ADGB: variants seen among roughly 807,000 people sequenced by gnomAD.
The protein encoded by ADGB is calpain-7-like protein.
Under a neutral mutation model 210.5 loss-of-function variants are expected in ADGB, and 172 were observed. The ratio of observed to expected loss-of-function variants is 0.82; its 90% CI spans 0.72 to 0.93. The LOEUF (loss-of-function observed/expected upper bound fraction) is 0.93, where lower values mean the gene tolerates loss of function less well. ADGB is among the 40% of genes least tolerant of loss of function. The pLI is 0.00. For synonymous variants in ADGB, 658 were observed against 662.7 expected, an observed-to-expected ratio of 0.99 and a Z score of 0.11; for missense variants, 2,025 against 1,964.8, an observed-to-expected ratio of 1.03 and a Z score of -0.58.
intron 1 of ADGB, among the ~76,000 whole-genome samples, chr6:146,605,347 A>G (rs1780616918): frequency 6.6e-6 from 1 of 152,092 alleles, no homozygotes; most frequent in South Asian, 2.1e-4. Context: ...GTTAAAGACT[A>G]TACAAGCCAC....
At chr6:146,646,206 C>A (rs1401696157) in intron 3 of ADGB, among the ~76,000 whole-genome samples, 1 of 152,038 alleles carries the variant, frequency 6.6e-6, no homozygotes, top group Non-Finnish European at 1.5e-5. Context: ...TTCCCCCTTT[C>A]CTTTTTGGGC....
chr6:146,675,982 T>C (rs1376307253), intron 8 of ADGB, among the ~76,000 whole-genome samples: 1 of 152,164 alleles, frequency 6.6e-6, no homozygotes, highest in Non-Finnish European at 1.5e-5. Context: ...TGTTTTGTTT[T>C]TATTTTTAAA....
intron 7 of ADGB, among the ~76,000 whole-genome samples, chr6:146,671,717 G>A (rs912108243): frequency 2.0e-5 from 3 of 152,100 alleles, no homozygotes; most frequent in Non-Finnish European, 4.4e-5. Context: ...CAGAAGAAAG[G>A]GAGTGTTCAA....
chr6:146,746,244 T>A, intron 26 of ADGB, 135 bp downstream of exon 26: 1 of 648,374 alleles, frequency 1.5e-6, no homozygotes, highest in Non-Finnish European at 2.5e-6. Flanking sequence ...AACAATTAAT[T>A]GAGTGTGATG....
intron 14 of ADGB, 125 bp from the exon 15 acceptor site, chr6:146,716,758 G>T (rs2114565524): frequency 1.2e-6 from 1 of 847,622 alleles, no homozygotes; most frequent in African/African-American, 1.7e-5. Flanking sequence ...TATGAAGCCT[G>T]GATTATCTCA....
At chr6:146,784,315 G>C (rs762088698) in intron 30 of ADGB, among the ~76,000 whole-genome samples, 12 of 152,032 alleles carry the variant, frequency 7.9e-5, no homozygotes, top group Non-Finnish European at 1.6e-4. Context: ...CTTTATCAAA[G>C]TATAATATCT....
At chr6:146,659,735 C>G (rs1445019193) in intron 5 of ADGB, among the ~76,000 whole-genome samples, 1 of 152,190 alleles carries the variant, frequency 6.6e-6, no homozygotes, top group Non-Finnish European at 1.5e-5. Flanking sequence ...TCTCTCCCGT[C>G]TTTCACCTGG....
At chr6:146,614,199 C>CCCTT (rs1213673080) in intron 1 of ADGB, among the ~76,000 whole-genome samples, 2 of 100,884 alleles carry the variant, frequency 2.0e-5, no homozygotes, top group African/African-American at 3.9e-5. Context: ...CTCCCTCCCT[C>CCCTT]CCTTCCTCCC....
chr6:146,652,631 G>T (rs1775718275), intron 3 of ADGB, among the ~76,000 whole-genome samples: 1 of 151,438 alleles, frequency 6.6e-6, no homozygotes, highest in African/African-American at 2.4e-5. Flanking sequence ...TTATTTATTG[G>T]TACCTGATTT....
rs563570566 is a variant in ADGB, at chr6:146,700,527, G to A, written c.1578-414G>A. ...TACTTGAAAGGAAGACTGTATGCTC[G>A]GGTAGCTGGTATGAATGTCACAGTT... is the stretch of plus-strand genomic sequence containing the variant. On this transcript the variant is annotated intron_variant, in intron 12 of 35. Transcript: ENST00000397944. Among the ~76,000 whole-genome samples the A allele has an allele frequency of 1.3e-3, 191 of 152,196 alleles. 1 individual carries two copies. The highest frequency in any genetic ancestry group is 4.4e-3 in the African/African-American group (183 of 41,536).
At chr6:146,803,769 A>G in intron 35 of ADGB, 2 of 653,056 alleles carry the variant, frequency 3.1e-6, no homozygotes, top group Non-Finnish European at 5.2e-6. Flanking sequence ...CTCCGCGCTG[A>G]CAATCAGCGC....
chr6:146,734,171 A>G, intron 22 of ADGB, 141 bp downstream of exon 22: 1 of 902,104 alleles, frequency 1.1e-6, no homozygotes, highest in South Asian at 1.8e-5. Flanking sequence ...ATTTGAAATC[A>G]GGAAGCATGT....
In ADGB at chr6:146,733,105, A is replaced by C. The variant is rs778914388; in HGVS notation, c.2521-15A>C. On this transcript the variant is annotated splice_polypyrimidine_tract_variant and intron_variant, in intron 20 of 35. Transcript: ENST00000397944. ...ATGGTATTTTCTTGCTATAAAAAAA[A>C]TTTATGTGTTTCAGGTTTTTCATCT... is the stretch of plus-strand genomic sequence containing the variant. The C allele has an allele frequency of 2.8e-6, 4 of 1,441,142 alleles. No individual in the cohort carries two copies. The South Asian group carries it at 4.4e-5, about 16-fold the overall frequency. 89.3% of individuals were successfully genotyped at this position (1,441,142 alleles called of 1,614,324 possible). A position where few individuals can be genotyped will look rare whatever the true frequency, so the allele number is the denominator to read the frequency against.
chr6:146,698,744 GGTTTT>G (rs879416943), intron 12 of ADGB, among the ~76,000 whole-genome samples: 18 of 151,970 alleles, frequency 1.2e-4, no homozygotes, highest in African/African-American at 3.1e-4. Flanking sequence ...AAACTTTTGG[GGTTTT>G]GTTTTGTTTT....
chr6:146,760,190 T>A (rs1583626090), intron 27 of ADGB, among the ~76,000 whole-genome samples: 4 of 151,840 alleles, frequency 2.6e-5, no homozygotes, highest in South Asian at 4.1e-4. Flanking sequence ...TACTTTAGTA[T>A]GACCCACACC....
At position 146,807,609 on chromosome 6, in the gene ADGB, C is replaced by T. The variant is rs1429613521; in HGVS notation, c.4818+5598C>T. On this transcript the variant is annotated intron_variant, in intron 35 of 35. Transcript: ENST00000397944. ...GTAACCAGGGGATGTCCAATACCAC[C>T]CTGCTTCTGGAGAGAAAAAATTTAT... The T allele has an allele frequency of 1.0e-4, 153 of 1,520,086 alleles. No homozygotes were observed. The East Asian group carries it at 3.7e-3, about 37-fold the overall frequency. 94.2% of individuals were successfully genotyped at this position (1,520,086 alleles called of 1,614,324 possible). A position where few individuals can be genotyped will look rare whatever the true frequency, so the allele number is the denominator to read the frequency against.
chr6:146,692,956 T>C (rs1434385446), intron 12 of ADGB, 41 bp downstream of exon 12: 2 of 1,161,338 alleles, frequency 1.7e-6, no homozygotes, highest in Non-Finnish European at 2.5e-6. Context: ...GTCTTGTTAG[T>C]AAATACTTTG....
chr6:146,617,637 GT>G (rs1371743106), intron 1 of ADGB, among the ~76,000 whole-genome samples: 1 of 151,796 alleles, frequency 6.6e-6, no homozygotes, highest in Non-Finnish European at 1.5e-5. Context: ...TTTATGTAGA[GT>G]TTTTATCATG....
At chr6:146,697,592 A>G (rs1776424272) in intron 12 of ADGB, among the ~76,000 whole-genome samples, 2 of 152,172 alleles carry the variant, frequency 1.3e-5, no homozygotes, top group South Asian at 4.1e-4. Flanking sequence ...ATTAGAAGAT[A>G]ATATCCAGAC....
Sources: allele counts gnomAD v4.1 joint callset (sites outside exome capture counted in the v4.1 genomes callset), GRCh38; gene constraint gnomAD v4.1.1; transcripts MANE v1.5; gene names NCBI Gene and HGNC (gene_info 2026-07-23, HGNC 2026-07-21).